The following HSPA14 variants were observed in gnomAD, a reference collection of about 807,000 sequenced individuals.
HSPA14 encodes the protein heat shock 70 kDa protein 14.
A neutral mutation model predicts 65.5 loss-of-function variants in HSPA14; 37 were observed. The observed-to-expected ratio is 0.56, with a 90% CI of 0.43 to 0.74. HSPA14 has a LOEUF of 0.74. Among genes scored for constraint, HSPA14 ranks in the 30% least tolerant of loss-of-function variants. The probability of loss-of-function intolerance (pLI) is 0.00; values close to 1 mark genes in which losing one functional copy is unlikely to be tolerated. For missense variants in HSPA14, 564 were observed against 607.6 expected, an observed-to-expected ratio of 0.93 and a Z score of 0.75; for synonymous variants, 203 against 214.2, an observed-to-expected ratio of 0.95 and a Z score of 0.46.
At chr10:14,865,571 TA>T (rs1157164666) in intron 10 of HSPA14, among the ~76,000 whole-genome samples, 7 of 152,264 alleles carry the variant, frequency 4.6e-5, no homozygotes, top group Non-Finnish European at 8.8e-5. Flanking sequence ...CACCATTTGT[TA>T]AATAGGGAAT....
Position 14,869,232 on chromosome 10 carries a change from C to CGTGTGTGTGT in HSPA14, c.1381-1342_1381-1333dup, listed in dbSNP as rs68155495. 3.5e-3 allele frequency among the ~76,000 whole-genome samples: 501 copies of CGTGTGTGTGT among 144,822 alleles called. 2 individuals are homozygous for CGTGTGTGTGT. Among genetic ancestry groups the CGTGTGTGTGT allele is most frequent in the East Asian group, 0.021 (102 of 4,862 alleles). On this transcript the variant is annotated intron_variant, in intron 12 of 13. Transcript: ENST00000378372. ...ATGAGATATTGTGTGTGTACGTGTA[C>CGTGTGTGTGT]GTGTGTGTGTGTGTGTGTGTGTGTG...
chr10:14,844,336 T>C (rs1834017187), intron 3 of HSPA14: 11 of 1,041,236 alleles, frequency 1.1e-5, no homozygotes, highest in African/African-American at 1.7e-5. Context: ...CATATGGCCT[T>C]GGCTGAGGTA....
At chr10:14,859,386 T>G (rs967314040) in intron 10 of HSPA14, among the ~76,000 whole-genome samples, 9 of 152,242 alleles carry the variant, frequency 5.9e-5, no homozygotes, top group Admixed American at 5.2e-4. Flanking sequence ...TCTTTTCGGC[T>G]ATCTCAAACT....
rs763390922 is a variant in HSPA14 at position 14,855,868 on chromosome 10, A to G, written c.918A>G (p.Pro306=). The change falls in exon 10 of 14, where the codon CCA becomes CCG. Residue 306 remains proline, a synonymous_variant. Coordinates refer to ENST00000378372, the MANE Select transcript of HSPA14 (RefSeq NM_016299.4). ...CAAGATTTGAACTTCTTTGTTCTCC[A>G]CTTTTTAATAAGTGTATAGAAGCAA... The part of the protein sequence containing the change: ...SRARFELLCS[P]LFNKCIEAIR... The G allele has an allele frequency of 5.0e-6, 8 of 1,605,884 alleles. No homozygotes were observed. The South Asian group carries it at 6.6e-5, about 13-fold the overall frequency.
At chr10:14,865,844 C>T (rs997721372) in intron 10 of HSPA14, among the ~76,000 whole-genome samples, 7 of 152,126 alleles carry the variant, frequency 4.6e-5, no homozygotes, top group African/African-American at 1.7e-4. Flanking sequence ...TTTTCCAATT[C>T]TGTGAAGAAA....
chr10:14,845,295 C>G, intron 3 of HSPA14: 1 of 985,336 alleles, frequency 1.0e-6, no homozygotes, highest in Non-Finnish European at 1.2e-6. Context: ...TTCCAATAAT[C>G]TAGAAGTTGG....
At chr10:14,844,148 C>T in intron 3 of HSPA14, 1 of 1,309,206 alleles carries the variant, frequency 7.6e-7, no homozygotes, top group Non-Finnish European at 9.7e-7. Context: ...TTCATCCTAG[C>T]TTTGTCACAG....
intron 3 of HSPA14, chr10:14,841,194 A>G (rs1051192889): frequency 2.0e-5 from 3 of 152,184 alleles, no homozygotes; most frequent in African/African-American, 4.8e-5. Context: ...CAAAAACTAT[A>G]GTTGTTTGGA....
intron 3 of HSPA14, among the ~76,000 whole-genome samples, chr10:14,848,135 A>G (rs1834076704): frequency 6.6e-6 from 1 of 152,224 alleles, no homozygotes; most frequent in Non-Finnish European, 1.5e-5. Flanking sequence ...GCACCTTTCT[A>G]TAAACAACAT....
In HSPA14 at chr10:14,856,189, A is replaced by G. The variant is rs555643210; in HGVS notation, c.993+246A>G. ...ATATTTTTTATCTGTAAGCATAGAC[A>G]GAAAGATATTTGAATACTTGCTATG... On this transcript the variant is annotated intron_variant, in intron 10 of 13. Transcript: ENST00000378372. Among the ~76,000 whole-genome samples the G allele has an allele frequency of 3.9e-5, 6 of 152,368 alleles. No individual in the cohort carries two copies. The South Asian group carries it at 1.0e-3, about 26-fold the overall frequency.
At chr10:14,850,064 A>G (rs560401232) in intron 6 of HSPA14, among the ~76,000 whole-genome samples, 36 of 152,322 alleles carry the variant, frequency 2.4e-4, no homozygotes, top group Middle Eastern at 3.4e-3. Context: ...ACCTGAGGTC[A>G]GGAGTTCGAG....
At chr10:14,841,162 T>C (rs1335763423) in intron 3 of HSPA14, 2 of 152,240 alleles carry the variant, frequency 1.3e-5, no homozygotes, top group Admixed American at 1.3e-4. Context: ...ATCTTTTTCC[T>C]CAGGATACTT....
chr10:14,868,870 G>T (rs552825103), intron 12 of HSPA14, among the ~76,000 whole-genome samples: 1 of 151,706 alleles, frequency 6.6e-6, no homozygotes, highest in Non-Finnish European at 1.5e-5. Flanking sequence ...TTTTTGAGAC[G>T]GAGTCTCGCT....
chr10:14,841,318 A>T (rs1050688050), intron 3 of HSPA14: 1 of 152,188 alleles, frequency 6.6e-6, no homozygotes, highest in Non-Finnish European at 1.5e-5. Flanking sequence ...TCAGATCATA[A>T]AGTCTAGAAA....
At chr10:14,856,757 G>T (rs1182648591) in intron 10 of HSPA14, among the ~76,000 whole-genome samples, 2 of 152,074 alleles carry the variant, frequency 1.3e-5, no homozygotes. Context: ...TTCTTGGGAG[G>T]CTGAGGTGAG....
chr10:14,859,324 C>T (rs1366356425), intron 10 of HSPA14, among the ~76,000 whole-genome samples: 2 of 152,298 alleles, frequency 1.3e-5, no homozygotes, highest in East Asian at 3.9e-4. Flanking sequence ...GCTTCACCCT[C>T]GCTTTCTGTG....
intron 10 of HSPA14, among the ~76,000 whole-genome samples, chr10:14,866,322 C>A (rs780474523): frequency 2.0e-5 from 3 of 152,138 alleles, no homozygotes; most frequent in African/African-American, 7.2e-5. Flanking sequence ...TCATACTGAA[C>A]GTGAAAGAGG....
At chr10:14,869,536 C>A (rs1309979967) in intron 12 of HSPA14, among the ~76,000 whole-genome samples, 1 of 152,062 alleles carries the variant, frequency 6.6e-6, no homozygotes, top group Non-Finnish European at 1.5e-5. Flanking sequence ...CTCAGGTGAT[C>A]TGCCTGCCTC....
intron 10 of HSPA14, among the ~76,000 whole-genome samples, chr10:14,865,831 G>T (rs1832802465): frequency 6.6e-6 from 1 of 152,194 alleles, no homozygotes; most frequent in African/African-American, 2.4e-5. Flanking sequence ...CTTTACAGTA[G>T]TTTTTTCCAA....
Sources: allele counts gnomAD v4.1 joint callset (sites outside exome capture counted in the v4.1 genomes callset), GRCh38; gene constraint gnomAD v4.1.1; transcripts MANE v1.5; gene names NCBI Gene and HGNC (gene_info 2026-07-23, HGNC 2026-07-21).